Variants in LRP1B observed in about 807,000 individuals in gnomAD.
The protein encoded by LRP1B is low-density lipoprotein receptor-related protein 1B.
In LRP1B, 217 loss-of-function variants were observed where a neutral mutation model predicts 556.6. That is an observed-to-expected ratio of 0.39 (90% CI 0.35 to 0.44). The LOEUF is 0.44. LRP1B is among the 20% of genes least tolerant of loss of function. The pLI is 1.00. For missense variants in LRP1B, 5,053 were observed against 5,620.8 expected (o/e 0.90, Z 3.23); for synonymous variants, 2,047 against 1,865.8 (o/e 1.10, Z -2.50).
intron 2 of LRP1B, chr2:141,805,579 C>G (rs1696143904): frequency 6.6e-6 from 1 of 152,086 alleles, no homozygotes; most frequent in African/African-American, 2.4e-5. Context: ...GCAGCAGTGC[C>G]TGAGCACAGA....
chr2:141,026,846 T>C (rs1002666727), intron 11 of LRP1B, among the ~76,000 whole-genome samples: 2 of 151,970 alleles, frequency 1.3e-5, no homozygotes, highest in Admixed American at 1.3e-4. Context: ...ATGCTAGGAA[T>C]AAAAGAAGCT....
intron 42 of LRP1B, among the ~76,000 whole-genome samples, chr2:140,600,132 C>T (rs754210396): frequency 8.6e-5 from 13 of 151,910 alleles, no homozygotes; most frequent in Non-Finnish European, 1.6e-4. Context: ...AAAACACTTG[C>T]TAATTAAAAC....
chr2:141,029,914 A>G (rs1698318911), intron 11 of LRP1B, among the ~76,000 whole-genome samples: 1 of 152,132 alleles, frequency 6.6e-6, no homozygotes, highest in Non-Finnish European at 1.5e-5. Flanking sequence ...ACATACCTCT[A>G]TCTACTAGAT....
intron 41 of LRP1B, among the ~76,000 whole-genome samples, chr2:140,688,505 T>G (rs193115400): frequency 6.6e-6 from 1 of 152,302 alleles, no homozygotes; most frequent in Non-Finnish European, 1.5e-5. Context: ...AGGCCATAGT[T>G]TAATGTATTA....
intron 2 of LRP1B, among the ~76,000 whole-genome samples, chr2:141,520,373 C>G (rs1482219743): frequency 6.6e-6 from 1 of 152,150 alleles, no homozygotes; most frequent in Non-Finnish European, 1.5e-5. Context: ...AAGGCCCTGA[C>G]TAAAGCCACT....
At chr2:140,748,097 A>G (rs1388986407) in intron 35 of LRP1B, among the ~76,000 whole-genome samples, 3 of 13,098 alleles carry the variant, frequency 2.3e-4, no homozygotes, top group African/African-American at 7.9e-4. Context: ...CTATGAATAT[A>G]TATATATATA....
At chr2:141,376,803 T>C (rs1689455448) in intron 3 of LRP1B, among the ~76,000 whole-genome samples, 1 of 152,150 alleles carries the variant, frequency 6.6e-6, no homozygotes, top group South Asian at 2.1e-4. Context: ...TTTTATAAAA[T>C]TATCAGACTA....
rs185330410 is a variant in LRP1B, at chr2:141,351,262, G to C, written c.344-96621C>G. Among the ~76,000 whole-genome samples, 392 of 152,072 alleles carry C rather than the reference G, an allele frequency of 2.6e-3. 2 individuals carry two copies. The Middle Eastern group carries it at 0.034, about 13-fold the overall frequency. Reference sequence around the variant, plus strand: ...TTTTAAGAAGTCACTGAGTATTTCTGAATTGAATTTTTCTTATATATAAAT... The same window carrying C: ...TTTTAAGAAGTCACTGAGTATTTCTCAATTGAATTTTTCTTATATATAAAT... On this transcript the variant is annotated intron_variant, in intron 3 of 90. Transcript: ENST00000389484.
chr2:141,686,843 G>C (rs542829969), intron 2 of LRP1B, among the ~76,000 whole-genome samples: 2 of 151,986 alleles, frequency 1.3e-5, no homozygotes, highest in South Asian at 4.2e-4. Context: ...TATAGGAAGA[G>C]GAAGACAGAC....
intron 43 of LRP1B, among the ~76,000 whole-genome samples, chr2:140,558,318 G>A (rs1275649149): frequency 6.6e-6 from 1 of 152,120 alleles, no homozygotes; most frequent in Non-Finnish European, 1.5e-5. Context: ...GATCATAGCA[G>A]CAATATTTAT....
chr2:140,301,394 A>G (rs1248620201), intron 83 of LRP1B, among the ~76,000 whole-genome samples: 1 of 152,106 alleles, frequency 6.6e-6, no homozygotes, highest in African/African-American at 2.4e-5. Context: ...CAAACATGCT[A>G]CAACAGCAAA....
chr2:141,807,721 G>A (rs1236511174), intron 2 of LRP1B, among the ~76,000 whole-genome samples: 1 of 152,040 alleles, frequency 6.6e-6, no homozygotes, highest in Non-Finnish European at 1.5e-5. Flanking sequence ...TGAACTGAAG[G>A]ACCACCTTTT....
At chr2:140,308,716 CATTG>C (rs1277605512) in intron 83 of LRP1B, among the ~76,000 whole-genome samples, 1 of 151,734 alleles carries the variant, frequency 6.6e-6, no homozygotes, top group Non-Finnish European at 1.5e-5. Context: ...CTAATAAAAA[CATTG>C]AGTGTAAGGA....
chr2:140,389,891 G>A (rs777710905), intron 66 of LRP1B, among the ~76,000 whole-genome samples: 2 of 152,060 alleles, frequency 1.3e-5, no homozygotes, highest in African/African-American at 2.4e-5. Flanking sequence ...AGCATTTTAG[G>A]AGGTTGAGGC....
intron 35 of LRP1B, among the ~76,000 whole-genome samples, chr2:140,731,437 AAAG>A (rs1301672226): frequency 6.6e-6 from 1 of 152,186 alleles, no homozygotes; most frequent in Admixed American, 6.5e-5. Flanking sequence ...AAGAAGAGTA[AAAG>A]AAGAGTAAGA....
chr2:141,936,981 C>T (rs1440971717), intron 1 of LRP1B, among the ~76,000 whole-genome samples: 1 of 150,136 alleles, frequency 6.7e-6, no homozygotes, highest in African/African-American at 2.5e-5. Flanking sequence ...GGTCTTTATT[C>T]TGAACAATGT....
chr2:140,967,414 G>C (rs942365048), intron 18 of LRP1B, among the ~76,000 whole-genome samples: 15 of 151,960 alleles, frequency 9.9e-5, no homozygotes, highest in African/African-American at 3.4e-4. Flanking sequence ...TGCTGAAGTT[G>C]CTTATCAGCT....
At chr2:141,771,923 A>T (rs1694913198) in intron 2 of LRP1B, among the ~76,000 whole-genome samples, 1 of 152,012 alleles carries the variant, frequency 6.6e-6, no homozygotes, top group Admixed American at 6.6e-5. Context: ...ATTTCAAGCA[A>T]TTCTCCTGCC....
Position 142,104,667 on chromosome 2 carries a change from A to T in LRP1B, c.82+25981T>A, listed in dbSNP as rs1574689120. Among the ~76,000 whole-genome samples, 4 of 152,278 alleles carry T rather than the reference A, an allele frequency of 2.6e-5. No homozygotes were observed. In the Middle Eastern group the frequency reaches 0.014, roughly 518 times the overall value. ...TGGAGCTTCTAATAGGCTGCAGTGT[A>T]GTCAAAACCTGTCTCTCTTCAGCTC... On this transcript the variant is annotated intron_variant, in intron 1 of 90. Coordinates refer to ENST00000389484, the MANE Select transcript of LRP1B (RefSeq NM_018557.3).
Sources: gnomAD v4.1 joint callset for allele counts (sites outside exome capture counted in the v4.1 genomes callset) on GRCh38, gnomAD v4.1.1 for gene constraint, MANE v1.5 for transcripts, NCBI Gene and HGNC (gene_info 2026-07-23, HGNC 2026-07-21) for gene names.